Variants in SPAG16 observed in about 807,000 individuals in gnomAD.
The protein encoded by SPAG16 is sperm associated antigen 16.
SPAG16 carries 86 observed loss-of-function variants against 80.4 expected under a neutral mutation model. The observed-to-expected ratio is 1.07, with a 90% CI of 0.90 to 1.28. The LOEUF (loss-of-function observed/expected upper bound fraction) is 1.28, where lower values mean the gene tolerates loss of function less well. Ranked by LOEUF, SPAG16 falls within the 50% of genes most tolerant of loss-of-function variation. The pLI, the probability that SPAG16 is intolerant of heterozygous loss-of-function variation, is 0.00. For missense variants in SPAG16, 870 were observed against 765.3 expected (o/e 1.14, Z -1.61); for synonymous variants, 294 against 265.9 (o/e 1.11, Z -1.03).
chr2:214,120,649 T>C (rs890391768), intron 14 of SPAG16, among the ~76,000 whole-genome samples: 7 of 151,924 alleles, frequency 4.6e-5, no homozygotes, highest in South Asian at 2.1e-4. Context: ...AATGTTCTCC[T>C]CTCTTGAGCC....
At chr2:213,461,082 T>C (rs1239637729) in intron 9 of SPAG16, among the ~76,000 whole-genome samples, 1 of 152,222 alleles carries the variant, frequency 6.6e-6, no homozygotes, top group Non-Finnish European at 1.5e-5. Context: ...ATTTGTTCAC[T>C]AAATACACAT....
At chr2:213,969,000 C>T (rs1198763529) in intron 12 of SPAG16, among the ~76,000 whole-genome samples, 1 of 152,122 alleles carries the variant, frequency 6.6e-6, no homozygotes, top group Non-Finnish European at 1.5e-5. Context: ...TTATAGACAG[C>T]TTGCAGAGCT....
chr2:214,062,013 A>ACACACG (rs1407717319), intron 13 of SPAG16, among the ~76,000 whole-genome samples: 3 of 149,946 alleles, frequency 2.0e-5, no homozygotes, highest in Non-Finnish European at 4.4e-5. Flanking sequence ...ACACACACAC[A>ACACACG]CACACACGCA....
chr2:213,409,732 A>G (rs995202216), intron 9 of SPAG16, among the ~76,000 whole-genome samples: 6 of 152,200 alleles, frequency 3.9e-5, no homozygotes, highest in Non-Finnish European at 8.8e-5. Flanking sequence ...TACAAGAAGC[A>G]TTATCAAATA....
intron 11 of SPAG16, among the ~76,000 whole-genome samples, chr2:213,866,662 A>G (rs1268194018): frequency 1.3e-5 from 2 of 152,116 alleles, no homozygotes; most frequent in Admixed American, 1.3e-4. Context: ...CAAAAGCAGA[A>G]TGGTGCTTAC....
At chr2:213,895,115 A>G (rs1447174807) in intron 11 of SPAG16, among the ~76,000 whole-genome samples, 1 of 151,982 alleles carries the variant, frequency 6.6e-6, no homozygotes. Context: ...TAGTATTTAT[A>G]TACACTGACA....
At chr2:213,375,329 G>C (rs2066833394) in intron 9 of SPAG16, 1 of 382,960 alleles carries the variant, frequency 2.6e-6, no homozygotes, top group Admixed American at 4.6e-5. Context: ...AGCAGAGACA[G>C]CTCAGTGGAT....
chr2:213,918,468 A>G (rs1162760407), intron 11 of SPAG16, among the ~76,000 whole-genome samples: 4 of 152,128 alleles, frequency 2.6e-5, no homozygotes, highest in Non-Finnish European at 5.9e-5. Flanking sequence ...ATCTTGAATT[A>G]TAGCTCCCAT....
chr2:213,933,315 C>T (rs1396805996), intron 12 of SPAG16, among the ~76,000 whole-genome samples: 1 of 152,158 alleles, frequency 6.6e-6, no homozygotes, highest in Non-Finnish European at 1.5e-5. Context: ...AGACAATTCT[C>T]ATACTCAACC....
intron 15 of SPAG16, among the ~76,000 whole-genome samples, chr2:214,287,673 T>C (rs1050331177): frequency 2.0e-5 from 3 of 152,248 alleles, no homozygotes; most frequent in Non-Finnish European, 4.4e-5. Flanking sequence ...TTGATTTCTA[T>C]GAAAGTATCA....
At chr2:213,468,922 C>T (rs2072910890) in intron 9 of SPAG16, among the ~76,000 whole-genome samples, 1 of 152,100 alleles carries the variant, frequency 6.6e-6, no homozygotes, top group African/African-American at 2.4e-5. Context: ...AAGATGTAGG[C>T]TGGGAGGCTA....
intron 11 of SPAG16, among the ~76,000 whole-genome samples, chr2:213,893,306 A>G (rs72946817): frequency 0.24 from 36,869 of 152,018 alleles, 5,078 homozygotes; most frequent in South Asian, 0.38. Flanking sequence ...CTTACAAAAA[A>G]TACCAAAGAG....
intron 10 of SPAG16, among the ~76,000 whole-genome samples, chr2:213,562,955 G>A (rs1278809076): frequency 2.0e-5 from 3 of 152,140 alleles, no homozygotes; most frequent in Admixed American, 6.5e-5. Context: ...TCTAAACACC[G>A]CCTAAAGGCC....
intron 11 of SPAG16, among the ~76,000 whole-genome samples, chr2:213,927,172 C>T (rs912399629): frequency 1.4e-4 from 22 of 152,186 alleles, no homozygotes; most frequent in African/African-American, 5.1e-4. Context: ...TACAGGGTTC[C>T]CGTGCTCATG....
rs139807667 is a variant in SPAG16 at position 213,968,232 on chromosome 2, C to T, written c.1400+38087C>T. 2.2e-3 allele frequency among the ~76,000 whole-genome samples: 333 copies of T among 151,704 alleles called. 1 individual carries two copies. Among genetic ancestry groups the T allele is most frequent in the African/African-American group, 6.7e-3 (279 of 41,334 alleles). On this transcript the variant is annotated intron_variant, in intron 12 of 15. Transcript: ENST00000331683. ...CTCCATCACCCAGGCTGGAGTGTAA[C>T]GGCGAGATCTCATCTCACTGCAATC...
intron 15 of SPAG16, among the ~76,000 whole-genome samples, chr2:214,288,099 GGC>G (rs904735588): frequency 4.4e-4 from 63 of 144,418 alleles, no homozygotes; most frequent in African/African-American, 1.6e-3. Flanking sequence ...CCAAGCCTCT[GGC>G]ATCTATAATT....
At chr2:213,845,904 A>G (rs563270205) in intron 10 of SPAG16, among the ~76,000 whole-genome samples, 1 of 152,312 alleles carries the variant, frequency 6.6e-6, no homozygotes, top group South Asian at 2.1e-4. Context: ...AACCTCCATC[A>G]GACTGGGACA....
chr2:213,588,393 C>G (rs1019030705), intron 10 of SPAG16, among the ~76,000 whole-genome samples: 6 of 151,170 alleles, frequency 4.0e-5, no homozygotes, highest in Non-Finnish European at 8.8e-5. Context: ...TGACAAAGAC[C>G]GTTAGAAAGC....
chr2:213,321,534 T>C (rs2063608172), intron 5 of SPAG16, among the ~76,000 whole-genome samples: 1 of 152,124 alleles, frequency 6.6e-6, no homozygotes, highest in Non-Finnish European at 1.5e-5. Context: ...TCTAAGTTTT[T>C]ATTAATCACA....
Sources: allele counts gnomAD v4.1 joint callset (sites outside exome capture counted in the v4.1 genomes callset), GRCh38; gene constraint gnomAD v4.1.1; transcripts MANE v1.5; gene names NCBI Gene and HGNC (gene_info 2026-07-23, HGNC 2026-07-21).